COQ7: variants seen among roughly 807,000 people sequenced by gnomAD.
COQ7 encodes coenzyme Q7, hydroxylase, also known as NADPH-dependent 3-demethoxyubiquinone 3-hydroxylase, mitochondrial.
COQ7 carries 21 observed loss-of-function variants against 25.0 expected under a neutral mutation model. The ratio of observed to expected loss-of-function variants is 0.84; its 90% confidence interval spans 0.60 to 1.21. The LOEUF is 1.21. Among genes scored for constraint, COQ7 ranks in the 50% most tolerant of loss-of-function variants. The probability of loss-of-function intolerance (pLI) is 0.00; values close to 1 mark genes in which losing one functional copy is unlikely to be tolerated. For missense variants in COQ7, 311 were observed against 296.2 expected (o/e 1.05, Z -0.37); for synonymous variants, 125 against 112.4 (o/e 1.11, Z -0.71).
rs758877813 is a variant in COQ7, at chr16:19,072,065, A to T, written c.211A>T (p.Met71Leu). The T allele has an allele frequency of 6.2e-7, 1 of 1,614,208 alleles. No individual in the cohort carries two copies. The highest frequency in any genetic ancestry group is 1.1e-5 in the South Asian group (1 of 91,082). The change falls in exon 2 of 6, where the codon ATG becomes TTG. Residue 71 changes from methionine (M) to leucine (L), a missense_variant. Physicochemically the swap from Met to Leu is conservative, Grantham distance 15 (BLOSUM62 2). Coordinates refer to ENST00000321998, the MANE Select transcript of COQ7 (RefSeq NM_016138.5). ...YGANRIYAGQMAVLGRTSVGP... is the reference protein window; with the variant it reads ...YGANRIYAGQLAVLGRTSVGP... ...AGCAAACCGCATCTATGCCGGGCAGATGGCTGTCCTGGGTCGGACCAGCGT... is the reference window on the plus strand; with the variant it reads ...AGCAAACCGCATCTATGCCGGGCAGTTGGCTGTCCTGGGTCGGACCAGCGT...
In COQ7 at chr16:19,072,047, C is replaced by T. The variant is rs140688283; in HGVS notation, c.193C>T (p.Arg65Cys). 201 of 1,614,168 alleles carry T rather than the reference C, an allele frequency of 1.2e-4. 1 individual carries two copies. In the African/African-American group the frequency reaches 2.4e-3, roughly 19 times the overall value. Residue 65 changes from arginine (R) to cysteine (C), a missense_variant, in exon 2 of 6, where the codon CGC becomes TGC. Arg to Cys is a radical substitution (Grantham distance 180). Coordinates refer to ENST00000321998, the MANE Select transcript of COQ7 (RefSeq NM_016138.5). Reference sequence around the variant, plus strand: ...TCATGCAGGCGAATATGGAGCAAACCGCATCTATGCCGGGCAGATGGCTGT... The same window carrying T: ...TCATGCAGGCGAATATGGAGCAAACTGCATCTATGCCGGGCAGATGGCTGT... ...VDHAGEYGAN[R>C]IYAGQMAVLG...
chr16:19,071,067 C>T (rs1475704867), intron 1 of COQ7, among the ~76,000 whole-genome samples: 1 of 152,122 alleles, frequency 6.6e-6, no homozygotes, highest in Non-Finnish European at 1.5e-5. Context: ...AATCTAGGCT[C>T]CAAGGCTAGT....
chr16:19,075,586 A>T (rs1268502995), intron 3 of COQ7, 135 bp from the exon 4 acceptor site: 2 of 907,096 alleles, frequency 2.2e-6, no homozygotes, highest in Non-Finnish European at 3.3e-6. Context: ...CCCACCATGC[A>T]TGGGACAGCC....
intron 2 of COQ7, among the ~76,000 whole-genome samples, chr16:19,073,308 C>CAAAAAAACA (rs55737309): frequency 0.63 from 88,188 of 138,896 alleles, 27,062 homozygotes; most frequent in East Asian, 0.83. Flanking sequence ...GACTCCGTCT[C>CAAAAAAACA]AAAAAAACAA....
intron 3 of COQ7, among the ~76,000 whole-genome samples, chr16:19,074,252 G>A (rs772222148): frequency 3.3e-5 from 5 of 151,906 alleles, no homozygotes; most frequent in Admixed American, 1.3e-4. Flanking sequence ...AAGGCCGGGC[G>A]TGATGGCTCA....
At chr16:19,080,437 T>G (rs1963073544), downstream of COQ7, among the ~76,000 whole-genome samples, 1 of 152,226 alleles carries the variant, frequency 6.6e-6, no homozygotes, top group South Asian at 2.1e-4. Context: ...TGAGTCATCA[T>G]TTTGGCTAAT....
chr16:19,069,358 A>G lies in COQ7; in HGVS notation c.73+1621A>G, dbSNP rs1351966526. Among the ~76,000 whole-genome samples, 3 of 151,870 alleles carry G rather than the reference A, an allele frequency of 2.0e-5. No homozygotes were observed. In the East Asian group the frequency reaches 5.8e-4, roughly 29 times the overall value. The stretch of plus-strand genomic sequence containing the variant: ...TTTTATCCTCATAACTCAGTAAGAA[A>G]AGTTTATTATTGTATGTTTTCCCTT... On this transcript the variant is annotated intron_variant, in intron 1 of 5. Coordinates refer to ENST00000321998, the MANE Select transcript of COQ7 (RefSeq NM_016138.5).
chr16:19,071,237 GC>G (rs759649703), intron 1 of COQ7, among the ~76,000 whole-genome samples: 22 of 152,188 alleles, frequency 1.4e-4, no homozygotes, highest in Admixed American at 2.0e-4. Context: ...CCGGTTTCAA[GC>G]TATTCTCCTG....
At chr16:19,077,873 C>T (rs1962941666) in intron 5 of COQ7, among the ~76,000 whole-genome samples, 1 of 152,052 alleles carries the variant, frequency 6.6e-6, no homozygotes, top group Admixed American at 6.6e-5. Context: ...ATTTCCTTTC[C>T]TGTGAGAATC....
intron 5 of COQ7, among the ~76,000 whole-genome samples, chr16:19,077,603 T>TTTTTC (rs1001368417): frequency 7.0e-6 from 1 of 142,440 alleles, no homozygotes; most frequent in South Asian, 2.4e-4. Flanking sequence ...TTTTTTTTTT[T>TTTTTC]TCCCAGACAC....
chr16:19,073,929 G>A lies in COQ7; in HGVS notation c.261G>A (p.Trp87Ter). 2 of 1,612,686 alleles carry A rather than the reference G, an allele frequency of 1.2e-6. No homozygotes were observed. The highest frequency in any genetic ancestry group is 1.7e-6 in the Non-Finnish European group (2 of 1,178,912). Residue 87 changes from tryptophan to a stop codon, truncating the protein, a stop_gained, in exon 3 of 6, where the codon TGG becomes TGA. Transcript: ENST00000321998. LOFTEE classifies it high-confidence loss of function. The stretch of plus-strand genomic sequence containing the variant: ...TTTTATGTTTCTTGCAGAAAATGTG[G>A]GATCAAGAAAAGGACCATTTGAAAA... ...TSVGPVIQKM[W>*]DQEKDHLKKF...
chr16:19,075,407 C>T (rs1015489034), intron 3 of COQ7, among the ~76,000 whole-genome samples: 3 of 143,046 alleles, frequency 2.1e-5, no homozygotes, highest in African/African-American at 5.1e-5. Flanking sequence ...ACCATGTTAG[C>T]CAGGTTGGTC....
At chr16:19,068,475 A>G in intron 1 of COQ7, 1 of 825,904 alleles carries the variant, frequency 1.2e-6, no homozygotes, top group Non-Finnish European at 1.5e-6. Context: ...AACATGGTGA[A>G]ACCCCGCCTC....
chr16:19,078,302 A>T lies in COQ7; in HGVS notation c.*144A>T, dbSNP rs1237800780. 7.8e-5 allele frequency: 42 copies of T among 538,910 alleles called. No homozygotes were observed. In the Middle Eastern group the frequency reaches 2.1e-3, roughly 27 times the overall value. The allele number at this position is 538,910 out of a possible 1,614,324, so 33.4% of individuals were successfully genotyped here. On this transcript the variant is annotated 3_prime_UTR_variant, in exon 6 of 6. Transcript: ENST00000321998. ...TTATAAGGTTTGTTTTTTTTTTTTT[A>T]AACTCTGCAGTGTTGATTTTTCTCT... is the stretch of plus-strand genomic sequence containing the variant.
intron 1 of COQ7, chr16:19,068,854 A>G (rs774478407): frequency 2.2e-6 from 1 of 452,728 alleles, no homozygotes; most frequent in South Asian, 1.6e-5. Flanking sequence ...GTGAATGGGA[A>G]GCCAGTGCCA....
At chr16:19,076,527 C>G (rs1962848660) in intron 4 of COQ7, among the ~76,000 whole-genome samples, 1 of 151,016 alleles carries the variant, frequency 6.6e-6, no homozygotes, top group Non-Finnish European at 1.5e-5. Flanking sequence ...ATTCTTCTGC[C>G]TCGGCCTCCC....
chr16:19,075,390 C>T (rs1962780009), intron 3 of COQ7, among the ~76,000 whole-genome samples: 1 of 151,886 alleles, frequency 6.6e-6, no homozygotes, highest in South Asian at 2.1e-4. Flanking sequence ...TTAGTAGAGA[C>T]GGTTTCACCA....
chr16:19,075,696 T>C, intron 3 of COQ7, 25 bp from the exon 4 acceptor site: 3 of 1,537,902 alleles, frequency 2.0e-6, no homozygotes, highest in Non-Finnish European at 2.6e-6. Flanking sequence ...CTCTTACTTT[T>C]CTGGTCTGGG....
rs1292337176 is a variant in COQ7 at position 19,079,323 on chromosome 16, A to G, written c.*1165A>G. ...AGACTAAGACGGGGGTGTTGCTTCC[A>G]TCAAAGGATGTACTAAGTTGTGGAT... On this transcript the variant is annotated 3_prime_UTR_variant, in exon 6 of 6. Coordinates refer to ENST00000321998, the MANE Select transcript of COQ7 (RefSeq NM_016138.5). The G allele has an allele frequency of 6.6e-6, 1 of 152,190 alleles. No homozygotes were observed. Among genetic ancestry groups the G allele is most frequent in the Non-Finnish European group, 1.5e-5 (1 of 68,032 alleles). 9.4% of individuals were successfully genotyped at this position (152,190 alleles called of 1,614,324 possible).
Sources: allele counts gnomAD v4.1 joint callset (sites outside exome capture counted in the v4.1 genomes callset), GRCh38; gene constraint gnomAD v4.1.1; transcripts MANE v1.5; gene names NCBI Gene and HGNC (gene_info 2026-07-23, HGNC 2026-07-21).